The following ENDOV variants were observed in gnomAD, a reference collection of about 807,000 sequenced individuals.
ENDOV encodes the protein endonuclease V.
ENDOV carries 37 observed loss-of-function variants against 39.4 expected under a neutral mutation model. The ratio of observed to expected loss-of-function variants is 0.94; its 90% confidence interval spans 0.72 to 1.23. The LOEUF (loss-of-function observed/expected upper bound fraction) is 1.23. ENDOV is among the 50% of genes most tolerant of loss of function. The pLI is 0.00. For synonymous variants in ENDOV, 186 were observed against 163.4 expected (o/e 1.14, Z -1.05); for missense variants, 441 against 375.7 (o/e 1.17, Z -1.44).
intron 2 of ENDOV, among the ~76,000 whole-genome samples, chr17:80,420,969 C>A (rs1449278692): frequency 6.6e-6 from 1 of 152,250 alleles, no homozygotes; most frequent in Non-Finnish European, 1.5e-5. Flanking sequence ...AGCCACCACG[C>A]CTGGCCAACA....
At position 80,425,087 on chromosome 17, in the gene ENDOV, CTGTCCTGGGAA is replaced by C. The variant is rs1261548952; in HGVS notation, c.575_585del (p.Val192GlyfsTer45). On this transcript the variant is annotated frameshift_variant and splice_region_variant, in exon 6 of 10. Transcript: ENST00000518137. LOFTEE classifies it high-confidence loss of function. ...TTCCCTCTGCTGGGAGACTCTGGGACTGTCCTGGGAATGGTGAGTAGCTAGGGCCCTGAGCT... is the reference window on the plus strand; with the variant it reads ...TTCCCTCTGCTGGGAGACTCTGGGACTGGTGAGTAGCTAGGGCCCTGAGCT... 1.2e-6 allele frequency: 2 copies of C among 1,609,944 alleles called. No individual in the cohort carries two copies. Among genetic ancestry groups the C allele is most frequent in the Non-Finnish European group, 1.7e-6 (2 of 1,178,196 alleles).
intron 2 of ENDOV, chr17:80,420,498 C>T (rs1424154765): frequency 6.6e-6 from 1 of 152,162 alleles, no homozygotes; most frequent in African/African-American, 2.4e-5. Context: ...AGAATGATCC[C>T]CAACCCTCTG....
intron 5 of ENDOV, chr17:80,424,054 C>T: frequency 2.5e-6 from 1 of 395,260 alleles, no homozygotes; most frequent in Non-Finnish European, 4.5e-6. Context: ...CCGCCAAGAC[C>T]TGCCTGGAGC....
chr17:80,425,465 G>A, intron 6 of ENDOV, 27 bp from the exon 7 acceptor site: 1 of 1,583,762 alleles, frequency 6.3e-7, no homozygotes, highest in Non-Finnish European at 8.5e-7. Flanking sequence ...CCAGCCCACA[G>A]GACAGCCCTC....
rs989467062 is a variant in ENDOV, at chr17:80,430,252, C to T, written c.838+421C>T. ...GCATGAGACGCTTTCCCGGAGCCGA[C>T]GAAGGGGACTCGGAGCTGCAGCCTG... On this transcript the variant is annotated intron_variant, in intron 9 of 9. Transcript: ENST00000518137. 52 of 1,474,256 alleles carry T rather than the reference C, an allele frequency of 3.5e-5. No homozygotes were observed. In the South Asian group the frequency reaches 5.2e-4, roughly 15 times the overall value. 91.3% of individuals were successfully genotyped at this position (1,474,256 alleles called of 1,614,324 possible).
At chr17:80,420,743 G>A (rs11652204) in intron 2 of ENDOV, among the ~76,000 whole-genome samples, 9,967 of 152,284 alleles carry the variant, frequency 0.065, 435 homozygotes, top group Non-Finnish European at 0.1. Flanking sequence ...CTGCCATGTT[G>A]TGCTCTAAAC....
Position 80,425,070 on chromosome 17 carries a change from G to T in ENDOV, c.555G>T (p.Leu185=). ...AGACTCGAGGAGACTCATTCCCTCT[G>T]CTGGGAGACTCTGGGACTGTCCTGG... ...LLQTRGDSFP[L]LGDSGTVLGM... is the part of the protein sequence containing the mutation. The change falls in exon 6 of 10, where the codon CTG becomes CTT. Residue 185 remains leucine (L), a synonymous_variant. Coordinates refer to ENST00000518137, the MANE Select transcript of ENDOV (RefSeq NM_173627.5). 6.2e-7 allele frequency: 1 copy of T among 1,611,890 alleles called. No individual in the cohort carries two copies. The highest frequency in any genetic ancestry group is 8.5e-7 in the Non-Finnish European group (1 of 1,179,100).
At chr17:80,429,553 G>A (rs927962363) in intron 8 of ENDOV, among the ~76,000 whole-genome samples, 11 of 152,240 alleles carry the variant, frequency 7.2e-5, no homozygotes, top group African/African-American at 2.7e-4. Context: ...TGAGGGAGCA[G>A]GTGGCGGGGA....
At chr17:80,433,273 C>G (rs2083434569) in intron 9 of ENDOV, 1 of 516,024 alleles carries the variant, frequency 1.9e-6, no homozygotes, top group African/African-American at 1.9e-5. Context: ...GGGGATATTC[C>G]ACCAGGTGAA....
intron 8 of ENDOV, among the ~76,000 whole-genome samples, chr17:80,429,117 A>G (rs2083095266): frequency 6.6e-6 from 1 of 152,168 alleles, no homozygotes; most frequent in Non-Finnish European, 1.5e-5. Context: ...TTCTTGTCCC[A>G]CTGGTTCTTG....
chr17:80,433,998 T>G (rs1398919252), intron 9 of ENDOV, among the ~76,000 whole-genome samples: 2 of 152,264 alleles, frequency 1.3e-5, no homozygotes, highest in Non-Finnish European at 2.9e-5. Context: ...CCATCATTAC[T>G]GTTTAGTTCC....
chr17:80,427,307 T>G, intron 7 of ENDOV: 2 of 507,810 alleles, frequency 3.9e-6, no homozygotes, highest in Non-Finnish European at 5.1e-6. Context: ...CCACAGGAAC[T>G]TTAGGTCGTG....
Position 80,415,216 on chromosome 17 carries a change from G to C in ENDOV, c.22G>C (p.Gly8Arg), listed in dbSNP as rs766607283. 7 of 1,613,376 alleles carry C rather than the reference G, an allele frequency of 4.3e-6. No homozygotes were observed. The Admixed American group carries it at 6.7e-5, about 15-fold the overall frequency. Reference sequence around the variant, plus strand: ...AGCCATGGCCCTGGAGGCGGCGGGAGGGCCGCCGGAGGAAACGCTGTCACT... The same window carrying C: ...AGCCATGGCCCTGGAGGCGGCGGGACGGCCGCCGGAGGAAACGCTGTCACT... The part of the protein sequence containing the change: MALEAAG[G>R]PPEETLSLWK... Residue 8 changes from glycine to arginine, a missense_variant, in exon 1 of 10, where the codon GGG (glycine) becomes CGG (arginine). By Grantham distance (125) the Gly-to-Arg change is moderately radical. Transcript: ENST00000518137.
intron 2 of ENDOV, chr17:80,419,365 TGGC>T: frequency 1.9e-6 from 1 of 524,602 alleles, no homozygotes; most frequent in Non-Finnish European, 3.4e-6. Flanking sequence ...TGACAAACGA[TGGC>T]GGAGCCCGTT....
At chr17:80,422,064 A>T in intron 3 of ENDOV, 102 bp downstream of exon 3, 1 of 1,561,254 alleles carries the variant, frequency 6.4e-7, no homozygotes, top group Non-Finnish European at 8.7e-7. Context: ...GGAGAGACTC[A>T]TGAGCTTCCT....
intron 9 of ENDOV, among the ~76,000 whole-genome samples, chr17:80,434,326 G>A (rs1235314439): frequency 2.6e-5 from 4 of 152,218 alleles, no homozygotes; most frequent in South Asian, 2.1e-4. Context: ...ATATGGATCA[G>A]TATAAACATT....
At chr17:80,415,477 G>A (rs537743603) in intron 1 of ENDOV, 173 bp from the exon 2 acceptor site, 2 of 1,034,566 alleles carry the variant, frequency 1.9e-6, no homozygotes, top group African/African-American at 1.6e-5. Context: ...GCGCTTGCGC[G>A]GGTCTCCGCC....
chr17:80,419,387 G>A, intron 2 of ENDOV: 1 of 562,878 alleles, frequency 1.8e-6, no homozygotes. Flanking sequence ...TTCTGTGCCA[G>A]ATGCTGAGCC....
chr17:80,424,574 C>G (rs913039102), intron 5 of ENDOV, among the ~76,000 whole-genome samples: 7 of 152,002 alleles, frequency 4.6e-5, no homozygotes, highest in African/African-American at 1.7e-4. Context: ...TCAGTGTCGT[C>G]TCAGGTGGTG....
Sources: gnomAD v4.1 joint callset for allele counts (sites outside exome capture counted in the v4.1 genomes callset) on GRCh38, gnomAD v4.1.1 for gene constraint, MANE v1.5 for transcripts, NCBI Gene and HGNC (gene_info 2026-07-23, HGNC 2026-07-21) for gene names.